NLGN1: variants seen among roughly 807,000 people sequenced by gnomAD.
NLGN1 encodes neuroligin-1.
NLGN1 carries 12 observed loss-of-function variants against 65.5 expected under a neutral mutation model. The ratio of observed to expected loss-of-function variants is 0.18; its 90% CI spans 0.12 to 0.30. The LOEUF (loss-of-function observed/expected upper bound fraction) is 0.30, where lower values mean the gene tolerates loss of function less well. Ranked by LOEUF, NLGN1 falls within the 10% of genes least tolerant of loss-of-function variation. NLGN1 has a pLI of 1.00. For missense variants in NLGN1, 750 were observed against 1,007.1 expected (o/e 0.74, Z 3.46); for synonymous variants, 350 against 359.5 (o/e 0.97, Z 0.30).
At chr3:174,076,823 G>T (rs1212154876) in intron 4 of NLGN1, among the ~76,000 whole-genome samples, 1 of 151,244 alleles carries the variant, frequency 6.6e-6, no homozygotes, top group Non-Finnish European at 1.5e-5. Flanking sequence ...ACTTGTCAAG[G>T]ATTGTATACA....
At chr3:173,908,140 A>C (rs372102545) in intron 4 of NLGN1, among the ~76,000 whole-genome samples, 1 of 152,214 alleles carries the variant, frequency 6.6e-6, no homozygotes, top group East Asian at 1.9e-4. Context: ...GGCACAAATA[A>C]GGGACCATTT....
At chr3:174,104,718 C>A (rs1321165372) in intron 4 of NLGN1, among the ~76,000 whole-genome samples, 1 of 152,098 alleles carries the variant, frequency 6.6e-6, no homozygotes, top group Non-Finnish European at 1.5e-5. Context: ...TTCAATCTTG[C>A]AGATAAACAG....
At chr3:173,710,171 A>T (rs1285859371) in intron 3 of NLGN1, among the ~76,000 whole-genome samples, 2 of 152,204 alleles carry the variant, frequency 1.3e-5, no homozygotes, top group African/African-American at 4.8e-5. Flanking sequence ...AAGAAAATTA[A>T]AATAAGCATA....
At chr3:173,859,455 G>A (rs561200685) in intron 4 of NLGN1, among the ~76,000 whole-genome samples, 13 of 152,166 alleles carry the variant, frequency 8.5e-5, no homozygotes, top group African/African-American at 2.9e-4. Flanking sequence ...TACACCCAAT[G>A]TATTCAGAGA....
rs555876039 is a variant in NLGN1, at chr3:173,459,279, A to G, written c.-321+24201A>G. ...TACCTTTCAATGCATTTTTTAAAAA[A>G]AATAGCTACACCAACAATTCTAATT... On this transcript the variant is annotated intron_variant, in intron 2 of 6. Coordinates refer to ENST00000457714, the Ensembl canonical transcript of NLGN1. 2.0e-5 allele frequency among the ~76,000 whole-genome samples: 3 copies of G among 152,258 alleles called. No homozygotes were observed. In the South Asian group the frequency reaches 6.2e-4, roughly 32 times the overall value.
intron 4 of NLGN1, among the ~76,000 whole-genome samples, chr3:173,844,855 T>C (rs1578750746): frequency 6.6e-6 from 1 of 152,342 alleles, no homozygotes; most frequent in African/African-American, 2.4e-5. Context: ...ATGTTGTCAC[T>C]ACATTTAAGG....
chr3:173,806,731 T>C (rs887730089), intron 3 of NLGN1, among the ~76,000 whole-genome samples: 1 of 152,148 alleles, frequency 6.6e-6, no homozygotes, highest in African/African-American at 2.4e-5. Context: ...AATTATGTTA[T>C]GTTTATTTAT....
At chr3:173,572,689 G>A (rs1744840698) in intron 2 of NLGN1, among the ~76,000 whole-genome samples, 1 of 152,178 alleles carries the variant, frequency 6.6e-6, no homozygotes, top group Admixed American at 6.5e-5. Context: ...CAGATAAAGA[G>A]GGAAACCAAA....
At chr3:174,036,581 G>GT (rs1408148139) in intron 4 of NLGN1, among the ~76,000 whole-genome samples, 57 of 58,916 alleles carry the variant, frequency 9.7e-4, no homozygotes, top group East Asian at 5.8e-3. Flanking sequence ...TAGGTTTTTT[G>GT]TTGTTTTTTT....
chr3:174,226,778 T>C (rs1016954733), intron 4 of NLGN1, among the ~76,000 whole-genome samples: 1 of 152,166 alleles, frequency 6.6e-6, no homozygotes, highest in African/African-American at 2.4e-5. Context: ...CTTGCTGAGG[T>C]GTTCCTTTGT....
chr3:173,851,910 T>C (rs9877664), intron 4 of NLGN1, among the ~76,000 whole-genome samples: 2,910 of 152,218 alleles, frequency 0.019, 73 homozygotes, highest in Middle Eastern at 0.061. Flanking sequence ...TTTAAAATGT[T>C]GTCAAATACA....
chr3:173,709,167 G>A (rs990668862), intron 3 of NLGN1, among the ~76,000 whole-genome samples: 3 of 152,156 alleles, frequency 2.0e-5, no homozygotes, highest in African/African-American at 7.2e-5. Flanking sequence ...AAAATACCGA[G>A]GTTTATTTCT....
chr3:174,255,021 A>T (rs997574452), intron 4 of NLGN1, among the ~76,000 whole-genome samples: 3 of 152,156 alleles, frequency 2.0e-5, no homozygotes, highest in African/African-American at 7.2e-5. Context: ...AGATATAGGG[A>T]TGGTGTTAAA....
At chr3:173,694,332 A>G (rs1765888995) in intron 3 of NLGN1, among the ~76,000 whole-genome samples, 1 of 152,182 alleles carries the variant, frequency 6.6e-6, no homozygotes, top group Admixed American at 6.5e-5. Flanking sequence ...TGCAAAACTA[A>G]CTGAAAATTG....
At chr3:173,527,675 G>T (rs1422226167) in intron 2 of NLGN1, among the ~76,000 whole-genome samples, 6 of 152,204 alleles carry the variant, frequency 3.9e-5, no homozygotes, top group African/African-American at 1.4e-4. Flanking sequence ...GGGATTACAG[G>T]CGTGAGCCAC....
intron 4 of NLGN1, among the ~76,000 whole-genome samples, chr3:174,123,609 C>A (rs1056621305): frequency 3.9e-5 from 6 of 152,016 alleles, no homozygotes; most frequent in African/African-American, 1.4e-4. Flanking sequence ...TGATTACTCC[C>A]TTTCATATAT....
intron 1 of NLGN1, among the ~76,000 whole-genome samples, chr3:173,418,026 A>G (rs1322848625): frequency 6.6e-6 from 1 of 151,504 alleles, no homozygotes; most frequent in Non-Finnish European, 1.5e-5. Flanking sequence ...TTATTCATCC[A>G]TTCTCTTTCT....
intron 4 of NLGN1, among the ~76,000 whole-genome samples, chr3:174,065,711 A>G (rs1412425211): frequency 6.6e-6 from 1 of 150,414 alleles, no homozygotes; most frequent in Non-Finnish European, 1.5e-5. Flanking sequence ...CTAAGATTAC[A>G]TTATTAAAAA....
At chr3:173,747,745 A>G (rs925310814) in intron 3 of NLGN1, among the ~76,000 whole-genome samples, 4 of 143,704 alleles carry the variant, frequency 2.8e-5, no homozygotes, top group Admixed American at 6.9e-5. Context: ...ATATGCAGCC[A>G]TTGGACTATG....
Sources: gnomAD v4.1 joint callset for allele counts (sites outside exome capture counted in the v4.1 genomes callset) on GRCh38, gnomAD v4.1.1 for gene constraint, MANE v1.5 for transcripts, NCBI Gene and HGNC (gene_info 2026-07-23, HGNC 2026-07-21) for gene names.